CAST: variants seen among roughly 807,000 people sequenced by gnomAD.
The protein encoded by CAST is MIR583 host.
A neutral mutation model predicts 119.6 loss-of-function variants in CAST; 76 were observed. The observed-to-expected ratio is 0.64, with a 90% CI of 0.53 to 0.77. The LOEUF (loss-of-function observed/expected upper bound fraction) is 0.77. Ranked by LOEUF, CAST falls within the 30% of genes least tolerant of loss-of-function variation. The probability of loss-of-function intolerance (pLI) is 0.00; values close to 1 mark genes in which losing one functional copy is unlikely to be tolerated. For synonymous variants in CAST, 319 were observed against 331.6 expected (o/e 0.96, Z 0.41); for missense variants, 953 against 946.5 (o/e 1.01, Z -0.09).
At chr5:96,071,512 A>G in the CAST span, among the ~76,000 whole-genome samples, 1 of 152,006 alleles carries the variant, frequency 6.6e-6, no homozygotes, top group Non-Finnish European at 1.5e-5. Flanking sequence ...CATTTTCCCC[A>G]AAGTCCTACC....
At chr5:96,692,184 C>T (rs1367619383) in intron 2 of CAST, among the ~76,000 whole-genome samples, 1 of 152,126 alleles carries the variant, frequency 6.6e-6, no homozygotes, top group Non-Finnish European at 1.5e-5. Flanking sequence ...GTATGCAGAT[C>T]TAGTGAGCTA....
At chr5:96,525,005 T>C (rs1325303402), upstream of CAST, among the ~76,000 whole-genome samples, 3 of 152,216 alleles carry the variant, frequency 2.0e-5, no homozygotes, top group Non-Finnish European at 4.4e-5. Context: ...TCTTCACTCC[T>C]CATCTTGCTT....
chr5:96,003,958 C>T, the CAST span, among the ~76,000 whole-genome samples: 1 of 152,142 alleles, frequency 6.6e-6, no homozygotes, highest in Non-Finnish European at 1.5e-5. Context: ...TTTTTTCATA[C>T]TCATAAATTA....
At chr5:96,294,247 C>T in the CAST span, among the ~76,000 whole-genome samples, 2 of 152,130 alleles carry the variant, frequency 1.3e-5, no homozygotes, top group Admixed American at 6.5e-5. Flanking sequence ...TTATTTCATT[C>T]CTATATATAA....
intron 24 of CAST, among the ~76,000 whole-genome samples, chr5:96,760,291 G>A (rs990361488): frequency 3.3e-5 from 5 of 151,898 alleles, no homozygotes; most frequent in African/African-American, 1.2e-4. Context: ...CAGGAAAACT[G>A]TCAATATATT....
chr5:96,298,349 A>G, the CAST span, among the ~76,000 whole-genome samples: 5 of 152,216 alleles, frequency 3.3e-5, no homozygotes, highest in African/African-American at 9.6e-5. Context: ...TTGCTAGACA[A>G]TCCAATAAAT....
At position 96,749,954 on chromosome 5, in the gene CAST, T is replaced by C. The variant is rs193196593; in HGVS notation, c.1429-633T>C. Among the ~76,000 whole-genome samples, 393 of 152,316 alleles carry C rather than the reference T, an allele frequency of 2.6e-3. 2 individuals carry two copies. The highest frequency in any genetic ancestry group is 8.8e-3 in the African/African-American group (365 of 41,572). ...TTTTTAAACACAGGCTGCTAGACTC[T>C]ACCCCCAAAGTTTCTTAGTACATGG... On this transcript the variant is annotated intron_variant, in intron 19 of 31. Coordinates refer to ENST00000675179, the MANE Select transcript of CAST (RefSeq NM_001750.7).
the CAST span, among the ~76,000 whole-genome samples, chr5:96,460,518 CAT>C: frequency 5.3e-5 from 8 of 151,328 alleles, no homozygotes; most frequent in Non-Finnish European, 8.8e-5. Flanking sequence ...ACATTCTGCA[CAT>C]GTGTCCCAGA....
intron 1 of CAST, among the ~76,000 whole-genome samples, chr5:96,569,337 A>G (rs261228): frequency 0.84 from 128,471 of 152,224 alleles, 54,501 homozygotes; most frequent in East Asian, 1. Context: ...AAACTGACCT[A>G]GGTTCAAATT....
chr5:96,762,736 T>C (rs1304454614), intron 25 of CAST: 1 of 252,798 alleles, frequency 4.0e-6, no homozygotes, highest in African/African-American at 2.2e-5. Flanking sequence ...TTCTTATACA[T>C]TCTATAATTT....
chr5:96,425,780 TC>T, the CAST span: 2 of 1,100,138 alleles, frequency 1.8e-6, no homozygotes, highest in East Asian at 4.7e-5. Flanking sequence ...AGAAGCCAGG[TC>T]CCAGGTCCCA....
intron 1 of CAST, chr5:96,663,101 C>T (rs1748792710): frequency 1.4e-6 from 1 of 702,448 alleles, no homozygotes; most frequent in African/African-American, 1.7e-5. Flanking sequence ...TCGCCGGCTC[C>T]CCCGCCGTGC....
intron 1 of CAST, among the ~76,000 whole-genome samples, chr5:96,616,720 C>T (rs1025510440): frequency 7.1e-6 from 1 of 140,438 alleles, no homozygotes. Context: ...AGACACCAAG[C>T]GCTCGCTCGC....
At chr5:96,197,746 G>A in the CAST span, among the ~76,000 whole-genome samples, 2 of 152,152 alleles carry the variant, frequency 1.3e-5, no homozygotes, top group African/African-American at 4.8e-5. Flanking sequence ...GGCTCCAGGT[G>A]AGGGGCCAAC....
At chr5:96,553,180 G>A (rs543351321) in intron 1 of CAST, among the ~76,000 whole-genome samples, 5 of 152,094 alleles carry the variant, frequency 3.3e-5, no homozygotes, top group South Asian at 2.1e-4. Context: ...CTGGCAAACC[G>A]AATCCAGCAG....
At chr5:96,428,617 GA>G in the CAST span, among the ~76,000 whole-genome samples, 1 of 152,186 alleles carries the variant, frequency 6.6e-6, no homozygotes, top group Non-Finnish European at 1.5e-5. Flanking sequence ...AAAGAGATCA[GA>G]TGGTTTGGAT....
At chr5:95,961,563 CG>C in the CAST span, 1 of 1,572,720 alleles carries the variant, frequency 6.4e-7, no homozygotes, top group African/African-American at 1.4e-5. Context: ...GCCTGCCGGC[CG>C]GCCCGCTCAC....
chr5:96,217,290 C>T, the CAST span, among the ~76,000 whole-genome samples: 3,130 of 147,280 alleles, frequency 0.021, 108 homozygotes, highest in African/African-American at 0.074. Flanking sequence ...ATCCTTCTGC[C>T]TCAGCCTCCC....
the CAST span, among the ~76,000 whole-genome samples, chr5:96,090,121 TA>T: frequency 6.6e-6 from 1 of 152,210 alleles, no homozygotes; most frequent in African/African-American, 2.4e-5. Context: ...GCCTAGGCCA[TA>T]ATCCTTAATC....
Sources: allele counts gnomAD v4.1 joint callset (sites outside exome capture counted in the v4.1 genomes callset), GRCh38; gene constraint gnomAD v4.1.1; transcripts MANE v1.5; gene names NCBI Gene and HGNC (gene_info 2026-07-23, HGNC 2026-07-21).